The following AZIN1 variants were observed in gnomAD, a reference collection of about 807,000 sequenced individuals.
AZIN1 encodes the protein antizyme inhibitor 1.
A neutral mutation model predicts 47.4 loss-of-function variants in AZIN1; 12 were observed. The observed-to-expected ratio is 0.25, with a 90% CI of 0.16 to 0.41. The LOEUF (loss-of-function observed/expected upper bound fraction) is 0.41, where lower values mean the gene tolerates loss of function less well. Ranked by LOEUF, AZIN1 falls within the 10% of genes least tolerant of loss-of-function variation. The probability of loss-of-function intolerance (pLI) is 1.00; values close to 1 mark genes in which losing one functional copy is unlikely to be tolerated. For synonymous variants in AZIN1, 155 were observed against 176.3 expected (o/e 0.88, Z 0.96); for missense variants, 410 against 532.4 (o/e 0.77, Z 2.26).
chr8:102,863,786 G>C (rs1277774422), intron 1 of AZIN1, 21 bp downstream of exon 1: 2 of 152,702 alleles, frequency 1.3e-5, no homozygotes, highest in African/African-American at 4.8e-5. Flanking sequence ...CCCCTCCCGC[G>C]CTCCTCGGCT....
Position 102,838,929 on chromosome 8 carries a change from G to T in AZIN1, c.277-13C>A. On this transcript the variant is annotated splice_polypyrimidine_tract_variant and intron_variant, in intron 4 of 11. Coordinates refer to ENST00000337198, the MANE Select transcript of AZIN1 (RefSeq NM_148174.4). ...AAGCCATTTCATTCTGTGAAAATGA[G>T]GTTAAAGTGAGAATACATAATGTCA... 1.9e-6 allele frequency: 3 copies of T among 1,603,382 alleles called. No individual in the cohort carries two copies. The highest frequency in any genetic ancestry group is 2.6e-6 in the Non-Finnish European group (3 of 1,173,940).
At chr8:102,837,198 G>A (rs1307402092) in intron 5 of AZIN1, among the ~76,000 whole-genome samples, 2 of 152,180 alleles carry the variant, frequency 1.3e-5, no homozygotes, top group African/African-American at 4.8e-5. Flanking sequence ...GGGATTACAG[G>A]CATGAGCTAC....
chr8:102,861,544 A>G (rs141830115), intron 1 of AZIN1, among the ~76,000 whole-genome samples: 8 of 152,084 alleles, frequency 5.3e-5, no homozygotes, highest in Admixed American at 1.3e-4. Context: ...TTTTTAAAAA[A>G]AACAACCAAG....
In AZIN1 at chr8:102,839,654, C is replaced by A; in HGVS notation, c.272G>T (p.Ser91Ile). ...AALGTGFACS[S>I]KNEMALVQEL... ...TAAAAAATGAAAAATACTTACTTTACTGGAACAAGCAAATCCGGTTCCAAG... is the reference window on the plus strand; with the variant it reads ...TAAAAAATGAAAAATACTTACTTTAATGGAACAAGCAAATCCGGTTCCAAG... Residue 91 changes from serine to isoleucine, a missense_variant, in exon 4 of 12, where the codon AGT (serine) becomes ATT (isoleucine). Ser to Ile is a moderately radical substitution (Grantham distance 142). Transcript: ENST00000337198. The A allele has an allele frequency of 1.3e-6, 2 of 1,546,822 alleles. No individual in the cohort carries two copies. The highest frequency in any genetic ancestry group is 1.7e-6 in the Non-Finnish European group (2 of 1,146,408).
intron 3 of AZIN1, among the ~76,000 whole-genome samples, chr8:102,841,823 A>C (rs921584075): frequency 6.7e-6 from 1 of 150,154 alleles, no homozygotes; most frequent in African/African-American, 2.4e-5. Flanking sequence ...AAAAAAAAAA[A>C]GACCAGGCTG....
At chr8:102,841,280 A>G (rs1279123141) in intron 3 of AZIN1, among the ~76,000 whole-genome samples, 1 of 152,224 alleles carries the variant, frequency 6.6e-6, no homozygotes, top group African/African-American at 2.4e-5. Context: ...GAGGACAAAC[A>G]AAAGGTGGAC....
chr8:102,828,523 A>G lies in AZIN1; in HGVS notation c.*44T>C. ...TCCACACTGGAATGTTGACCAGACA[A>G]GCTTAACCTGCAACTTCAGATCTAA... On this transcript the variant is annotated 3_prime_UTR_variant, in exon 12 of 12. Transcript: ENST00000337198. The G allele has an allele frequency of 7.6e-7, 1 of 1,323,152 alleles. No individual in the cohort carries two copies. Among genetic ancestry groups the G allele is most frequent in the Non-Finnish European group, 1.1e-6 (1 of 933,474 alleles). The allele number at this position is 1,323,152 out of a possible 1,614,324, so 82.0% of individuals were successfully genotyped here.
chr8:102,842,736 A>G (rs963744447), intron 3 of AZIN1, among the ~76,000 whole-genome samples: 17 of 151,678 alleles, frequency 1.1e-4, no homozygotes, highest in Non-Finnish European at 2.5e-4. Flanking sequence ...AAAAAACAAA[A>G]AAAAAACCAC....
At chr8:102,857,554 C>T (rs952198713) in intron 2 of AZIN1, among the ~76,000 whole-genome samples, 8 of 151,702 alleles carry the variant, frequency 5.3e-5, no homozygotes, top group African/African-American at 1.9e-4. Flanking sequence ...ATTTTAATAC[C>T]ATACATATAT....
intron 5 of AZIN1, among the ~76,000 whole-genome samples, chr8:102,837,064 G>A (rs1488285144): frequency 1.3e-5 from 2 of 151,896 alleles, no homozygotes; most frequent in South Asian, 2.1e-4. Context: ...AAATACAAGG[G>A]TGCACCACCA....
chr8:102,843,927 A>C (rs1426423478), intron 2 of AZIN1, among the ~76,000 whole-genome samples, 180 bp from the exon 3 acceptor site: 1 of 152,226 alleles, frequency 6.6e-6, no homozygotes, highest in Non-Finnish European at 1.5e-5. Flanking sequence ...ATGAATTAAA[A>C]TACATTTACC....
At chr8:102,841,287 G>A (rs907511549) in intron 3 of AZIN1, among the ~76,000 whole-genome samples, 1 of 152,086 alleles carries the variant, frequency 6.6e-6, no homozygotes, top group African/African-American at 2.4e-5. Context: ...AACAAAAGGT[G>A]GACTGAATGA....
Position 102,864,037 on chromosome 8 carries a change from G to C in AZIN1, c.-464C>G, listed in dbSNP as rs1276209230. On this transcript the variant is annotated 5_prime_UTR_variant, in exon 1 of 12. Coordinates refer to ENST00000337198, the MANE Select transcript of AZIN1 (RefSeq NM_148174.4). ...GGCAAAAGAAGAAAGGCGCGGGCTGGGTGGGAAGAGGATTCGGACTCGTCA... is the reference window on the plus strand; with the variant it reads ...GGCAAAAGAAGAAAGGCGCGGGCTGCGTGGGAAGAGGATTCGGACTCGTCA... 6.4e-6 allele frequency: 1 copy of C among 156,802 alleles called. No homozygotes were observed. Among genetic ancestry groups the C allele is most frequent in the Non-Finnish European group, 1.4e-5 (1 of 70,890 alleles). The allele number at this position is 156,802 out of a possible 1,614,324, so 9.7% of individuals were successfully genotyped here. A position where few individuals can be genotyped will look rare whatever the true frequency, so the allele number is the denominator to read the frequency against.
In AZIN1 at chr8:102,834,703, T is replaced by TGTA; in HGVS notation, c.626_628dup (p.Val209_His210insLeu). Reference sequence around the variant, plus strand: ...CACACATCGAGCATCAGATAGAGCATGTACATATACTTGAGATTCTTTGCA... The same window carrying TGTA: ...CACACATCGAGCATCAGATAGAGCATGTAGTACATATACTTGAGATTCTTTGCA... On this transcript the variant is annotated inframe_insertion, in exon 7 of 12. Transcript: ENST00000337198. The TGTA allele has an allele frequency of 4.3e-6, 7 of 1,612,472 alleles. No homozygotes were observed. Among genetic ancestry groups the TGTA allele is most frequent in the Non-Finnish European group, 5.9e-6 (7 of 1,179,044 alleles).
chr8:102,830,057 T>C (rs1811336064), intron 9 of AZIN1, 121 bp from the exon 10 acceptor site: 3 of 689,946 alleles, frequency 4.3e-6, no homozygotes, highest in Admixed American at 2.9e-5. Context: ...AGAGCACGCA[T>C]TTCACAAAGG....
chr8:102,858,483 A>T (rs1335594614), intron 1 of AZIN1, among the ~76,000 whole-genome samples: 1 of 152,228 alleles, frequency 6.6e-6, no homozygotes, highest in Admixed American at 6.5e-5. Flanking sequence ...CCACATTTTT[A>T]AGTGGTCCAG....
intron 9 of AZIN1, among the ~76,000 whole-genome samples, chr8:102,832,467 C>A (rs1811520362): frequency 6.6e-6 from 1 of 152,122 alleles, no homozygotes. Context: ...GAAAACAGAG[C>A]CTCCCTCTGA....
rs1438859248 is a variant in AZIN1, at chr8:102,864,135, CTG to C, written c.-564_-563del. 5.8e-6 allele frequency: 1 copy of C among 171,572 alleles called. No individual in the cohort carries two copies. Among genetic ancestry groups the C allele is most frequent in the Non-Finnish European group, 1.2e-5 (1 of 80,956 alleles). The allele number at this position is 171,572 out of a possible 1,614,324, so 10.6% of individuals were successfully genotyped here. The stretch of plus-strand genomic sequence containing the variant: ...CGACGGCAGAAGAAAAAAGGAAAAA[CTG>C]CGGCCGCGATCAGAGCCTGAAAGTG... On this transcript the variant is annotated 5_prime_UTR_variant, in exon 1 of 12. Transcript: ENST00000337198.
At chr8:102,845,772 A>C (rs1812530696) in intron 2 of AZIN1, among the ~76,000 whole-genome samples, 1 of 152,218 alleles carries the variant, frequency 6.6e-6, no homozygotes, top group Non-Finnish European at 1.5e-5. Flanking sequence ...TAAATGAAAA[A>C]ATACGAAATC....
Sources: allele counts gnomAD v4.1 joint callset (sites outside exome capture counted in the v4.1 genomes callset), GRCh38; gene constraint gnomAD v4.1.1; transcripts MANE v1.5; gene names NCBI Gene and HGNC (gene_info 2026-07-23, HGNC 2026-07-21).